ST3GAL3: variants seen among roughly 807,000 people sequenced by gnomAD.
ST3GAL3 encodes ST3 beta-galactoside alpha-2,3-sialyltransferase 3.
In ST3GAL3, 21 loss-of-function variants were observed where a neutral mutation model predicts 50.1. That is an observed-to-expected ratio of 0.42 (90% CI 0.30 to 0.60). The LOEUF (loss-of-function observed/expected upper bound fraction) is 0.60, where lower values mean the gene tolerates loss of function less well. ST3GAL3 is among the 20% of genes least tolerant of loss of function. ST3GAL3 has a pLI of 0.19. For synonymous variants in ST3GAL3, 183 were observed against 190.0 expected (o/e 0.96, Z 0.30); for missense variants, 353 against 489.4 (o/e 0.72, Z 2.63).
intron 2 of ST3GAL3, among the ~76,000 whole-genome samples, chr1:43,775,302 C>G (rs976587942): frequency 1.3e-5 from 2 of 150,846 alleles, no homozygotes. Context: ...GGTATGATCT[C>G]AGCTCACTGC....
Position 43,746,870 on chromosome 1 carries a change from C to A in ST3GAL3, c.118+10490C>A, listed in dbSNP as rs1191015209. On this transcript the variant is annotated intron_variant, in intron 2 of 11. Coordinates refer to ENST00000347631, the MANE Select transcript of ST3GAL3 (RefSeq NM_006279.5). ...CTCTGCCTGCTGGGTTCAAGCAATT[C>A]TTTTGCCTCAGCCTCCCAAGTAGCT... is the stretch of plus-strand genomic sequence containing the variant. Among the ~76,000 whole-genome samples the A allele has an allele frequency of 3.3e-5, 5 of 151,732 alleles. No homozygotes were observed. The South Asian group carries it at 8.3e-4, about 25-fold the overall frequency.
At chr1:43,797,172 G>T (rs1361522102) in intron 3 of ST3GAL3, among the ~76,000 whole-genome samples, 1 of 152,164 alleles carries the variant, frequency 6.6e-6, no homozygotes, top group East Asian at 1.9e-4. Flanking sequence ...CTGCACTCCA[G>T]CCTAGGTGAC....
chr1:43,770,117 G>T (rs1694512631), intron 2 of ST3GAL3, among the ~76,000 whole-genome samples: 1 of 151,910 alleles, frequency 6.6e-6, no homozygotes, highest in Non-Finnish European at 1.5e-5. Context: ...ATATGCTGGG[G>T]TCCTGGAAGC....
chr1:43,779,920 G>C (rs549850225), intron 2 of ST3GAL3, among the ~76,000 whole-genome samples: 2 of 152,160 alleles, frequency 1.3e-5, no homozygotes, highest in East Asian at 3.9e-4. Context: ...TTGTCTATCA[G>C]CTTCATTTTC....
chr1:43,894,446 G>A lies in ST3GAL3; in HGVS notation c.366G>A (p.Glu122=). 1 of 1,614,126 alleles carries A rather than the reference G, an allele frequency of 6.2e-7. No homozygotes were observed. The highest frequency in any genetic ancestry group is 8.5e-7 in the Non-Finnish European group (1 of 1,180,020). The change falls in exon 6 of 12, where the codon GAG becomes GAA. Residue 122 remains glutamate (E), a synonymous_variant. Transcript: ENST00000347631. ...DSFRKWARIR[E]FVPPFGIKGQ... is the part of the protein sequence containing the mutation. ...TTCGCAAGTGGGCTAGAATCCGGGA[G>A]TTCGTGCCGCCTTTTGGGATCAAAG... is the stretch of plus-strand genomic sequence containing the variant.
chr1:43,898,406 C>T (rs2077706707), intron 7 of ST3GAL3, 108 bp downstream of exon 7: 3 of 1,085,122 alleles, frequency 2.8e-6, no homozygotes, highest in East Asian at 4.7e-5. Context: ...CCAGCACATC[C>T]ACACATGCAC....
chr1:43,882,056 G>A (rs1370218027), intron 5 of ST3GAL3, among the ~76,000 whole-genome samples: 1 of 152,220 alleles, frequency 6.6e-6, no homozygotes, highest in Non-Finnish European at 1.5e-5. Flanking sequence ...GCCTGCGGGG[G>A]AACTGGGCAA....
intron 4 of ST3GAL3, among the ~76,000 whole-genome samples, chr1:43,828,087 C>G (rs1463882421): frequency 6.6e-6 from 1 of 152,084 alleles, no homozygotes; most frequent in Non-Finnish European, 1.5e-5. Context: ...ATAGAGATCC[C>G]ATAAATTGAC....
chr1:43,889,470 T>TA (rs1186400409), intron 5 of ST3GAL3, among the ~76,000 whole-genome samples: 4 of 152,174 alleles, frequency 2.6e-5, no homozygotes, highest in Non-Finnish European at 4.4e-5. Flanking sequence ...CAAATGAACC[T>TA]AACTATGTAT....
At chr1:43,907,633 A>G (rs1227236586) in intron 9 of ST3GAL3, among the ~76,000 whole-genome samples, 2 of 152,012 alleles carry the variant, frequency 1.3e-5, no homozygotes, top group Non-Finnish European at 1.5e-5. Flanking sequence ...ATCCCCATTC[A>G]TCCCTGCTTC....
intron 2 of ST3GAL3, among the ~76,000 whole-genome samples, chr1:43,778,002 C>T (rs547353924): frequency 1.3e-5 from 2 of 152,224 alleles, no homozygotes; most frequent in South Asian, 2.1e-4. Flanking sequence ...ACACTGTTCA[C>T]AAGAGCAAAG....
chr1:43,857,980 T>C (rs369777931), intron 5 of ST3GAL3, among the ~76,000 whole-genome samples: 2 of 152,080 alleles, frequency 1.3e-5, no homozygotes, highest in African/African-American at 4.8e-5. Flanking sequence ...TGTGACAAAA[T>C]AGAAATTTAA....
At chr1:43,747,335 C>T (rs1223425373) in intron 2 of ST3GAL3, among the ~76,000 whole-genome samples, 1 of 151,854 alleles carries the variant, frequency 6.6e-6, no homozygotes, top group Admixed American at 6.6e-5. Flanking sequence ...TCGCTTGAAC[C>T]CAGGAGGCGG....
At chr1:43,779,134 G>T (rs1238493177) in intron 2 of ST3GAL3, among the ~76,000 whole-genome samples, 1 of 150,708 alleles carries the variant, frequency 6.6e-6, no homozygotes, top group Non-Finnish European at 1.5e-5. Context: ...TAGAGATTGG[G>T]TTTTGCCATG....
chr1:43,768,506 G>A (rs1693946787), intron 2 of ST3GAL3, among the ~76,000 whole-genome samples: 1 of 152,126 alleles, frequency 6.6e-6, no homozygotes, highest in African/African-American at 2.4e-5. Flanking sequence ...GATTGTGGAG[G>A]TCAGGGAGGA....
intron 2 of ST3GAL3, among the ~76,000 whole-genome samples, chr1:43,789,920 G>C (rs927337875): frequency 1.3e-5 from 2 of 151,720 alleles, no homozygotes; most frequent in Non-Finnish European, 2.9e-5. Flanking sequence ...GACATTGATT[G>C]TATGAGATAG....
intron 1 of ST3GAL3, among the ~76,000 whole-genome samples, chr1:43,719,785 T>C (rs973387305): frequency 6.7e-6 from 1 of 149,250 alleles, no homozygotes; most frequent in African/African-American, 2.5e-5. Context: ...ATACAAAAAT[T>C]AGCCGGGTAT....
chr1:43,741,871 G>A (rs1681071991), intron 2 of ST3GAL3, among the ~76,000 whole-genome samples: 1 of 152,198 alleles, frequency 6.6e-6, no homozygotes, highest in Non-Finnish European at 1.5e-5. Context: ...ACCCTGTTCT[G>A]TGAGTGGAGT....
intron 2 of ST3GAL3, among the ~76,000 whole-genome samples, chr1:43,749,552 C>T (rs574131076): frequency 2.6e-5 from 4 of 152,252 alleles, no homozygotes; most frequent in Middle Eastern, 3.4e-3. Flanking sequence ...GCCTGGACAA[C>T]ACAGTGATAC....
Sources: allele counts gnomAD v4.1 joint callset (sites outside exome capture counted in the v4.1 genomes callset), GRCh38; gene constraint gnomAD v4.1.1; transcripts MANE v1.5; gene names NCBI Gene and HGNC (gene_info 2026-07-23, HGNC 2026-07-21).